Variants in ZSWIM5 observed in about 807,000 individuals in gnomAD.
ZSWIM5 encodes zinc finger SWIM-type containing 5.
In ZSWIM5, 55 loss-of-function variants were observed where a neutral mutation model predicts 119.6. The ratio of observed to expected loss-of-function variants is 0.46; its 90% confidence interval spans 0.37 to 0.58. The LOEUF is 0.58. ZSWIM5 is among the 20% of genes least tolerant of loss of function. The pLI, the probability that ZSWIM5 is intolerant of heterozygous loss-of-function variation, is 0.00. For synonymous variants in ZSWIM5, 537 were observed against 606.9 expected (o/e 0.88, Z 1.69); for missense variants, 1,193 against 1,512.8 (o/e 0.79, Z 3.51).
chr1:45,142,857 AAAAAG>A (rs1404445337), intron 1 of ZSWIM5, among the ~76,000 whole-genome samples: 6 of 151,964 alleles, frequency 3.9e-5, no homozygotes, highest in Non-Finnish European at 5.9e-5. Context: ...TATTTAAAAA[AAAAAG>A]AAAACACAAG....
chr1:45,073,046 T>C (rs575269414), intron 2 of ZSWIM5, among the ~76,000 whole-genome samples: 1 of 151,894 alleles, frequency 6.6e-6, no homozygotes, highest in Non-Finnish European at 1.5e-5. Context: ...ATTTTTCCAA[T>C]CCATGAACAT....
At chr1:45,152,042 A>T (rs1645799686) in intron 1 of ZSWIM5, among the ~76,000 whole-genome samples, 1 of 152,144 alleles carries the variant, frequency 6.6e-6, no homozygotes. Context: ...AGGAAGCAAA[A>T]GAAAGGCAGG....
intron 1 of ZSWIM5, among the ~76,000 whole-genome samples, chr1:45,178,869 T>C (rs1362998076): frequency 1.3e-5 from 2 of 152,172 alleles, no homozygotes; most frequent in East Asian, 1.9e-4. Flanking sequence ...GCATTCATTG[T>C]AGATTAAAGC....
At chr1:45,103,231 A>G (rs1481040977) in intron 1 of ZSWIM5, among the ~76,000 whole-genome samples, 1 of 152,236 alleles carries the variant, frequency 6.6e-6, no homozygotes, top group East Asian at 1.9e-4. Flanking sequence ...ATTTTCAAAA[A>G]TATAAAATAC....
intron 1 of ZSWIM5, among the ~76,000 whole-genome samples, chr1:45,094,594 G>C (rs188614242): frequency 6.6e-6 from 1 of 152,044 alleles, no homozygotes; most frequent in African/African-American, 2.4e-5. Context: ...CAGGCTTGGC[G>C]GCTCATGCCT....
intron 3 of ZSWIM5, among the ~76,000 whole-genome samples, chr1:45,059,424 T>C (rs1196925032): frequency 6.6e-6 from 1 of 152,208 alleles, no homozygotes; most frequent in African/African-American, 2.4e-5. Context: ...ACTATATGAA[T>C]GATTCCATTC....
chr1:45,043,201 G>C lies in ZSWIM5; in HGVS notation c.1609+18C>G. Reference sequence around the variant, plus strand: ...AGTGAGGGTGGCTCTAAAGTTCTTAGAGGAGGGCTAGACTTACCAAGCCAC... The same window carrying C: ...AGTGAGGGTGGCTCTAAAGTTCTTACAGGAGGGCTAGACTTACCAAGCCAC... On this transcript the variant is annotated intron_variant, in intron 6 of 13. Transcript: ENST00000359600. 1 of 1,611,710 alleles carries C rather than the reference G, an allele frequency of 6.2e-7. No individual in the cohort carries two copies. Among genetic ancestry groups the C allele is most frequent in the Non-Finnish European group, 8.5e-7 (1 of 1,179,116 alleles).
intron 1 of ZSWIM5, among the ~76,000 whole-genome samples, chr1:45,139,168 C>T (rs1645709206): frequency 6.6e-6 from 1 of 151,838 alleles, no homozygotes; most frequent in African/African-American, 2.4e-5. Flanking sequence ...AGGTGTGAGC[C>T]ACCACACCGG....
At chr1:45,200,340 T>C (rs914952853) in intron 1 of ZSWIM5, among the ~76,000 whole-genome samples, 9 of 152,186 alleles carry the variant, frequency 5.9e-5, no homozygotes, top group Non-Finnish European at 1.0e-4. Flanking sequence ...CATGATAGGC[T>C]AAAAGTGTCC....
At chr1:45,205,605 G>C (rs190009802) in intron 1 of ZSWIM5, 151 bp downstream of exon 1, 12 of 721,902 alleles carry the variant, frequency 1.7e-5, no homozygotes, top group Non-Finnish European at 2.0e-5. Flanking sequence ...TGAGTGAAAG[G>C]TTGAAAAAAG....
Position 45,206,473 on chromosome 1 carries a change from G to A in ZSWIM5, c.-123C>T. 8.4e-7 allele frequency: 1 copy of A among 1,194,114 alleles called. No individual in the cohort carries two copies. The highest frequency in any genetic ancestry group is 3.3e-4 in the Middle Eastern group (1 of 2,998). The allele number at this position is 1,194,114 out of a possible 1,614,324, so 74.0% of individuals were successfully genotyped here. ...TGGCGCCGAGGGGGGCGGGGCGAGAGAACCCGCGAGCCAGCCGGCCCGAGT... is the reference window on the plus strand; with the variant it reads ...TGGCGCCGAGGGGGGCGGGGCGAGAAAACCCGCGAGCCAGCCGGCCCGAGT... On this transcript the variant is annotated 5_prime_UTR_variant, in exon 1 of 14. Transcript: ENST00000359600.
intron 1 of ZSWIM5, among the ~76,000 whole-genome samples, chr1:45,189,899 T>C (rs942279196): frequency 6.6e-6 from 1 of 152,216 alleles, no homozygotes; most frequent in African/African-American, 2.4e-5. Context: ...GTAGAGGACA[T>C]TTAGCATCTA....
At chr1:45,099,471 C>G (rs1645424114) in intron 1 of ZSWIM5, among the ~76,000 whole-genome samples, 1 of 152,152 alleles carries the variant, frequency 6.6e-6, no homozygotes, top group Admixed American at 6.5e-5. Flanking sequence ...ACCAGAGGTA[C>G]AAAGAGGAGC....
chr1:45,075,608 G>A (rs1210454359), intron 2 of ZSWIM5, among the ~76,000 whole-genome samples: 2 of 152,020 alleles, frequency 1.3e-5, no homozygotes, highest in African/African-American at 2.4e-5. Context: ...TATAAGTGAA[G>A]TGTGTTTCTT....
At chr1:45,153,355 A>C (rs1192352551) in intron 1 of ZSWIM5, among the ~76,000 whole-genome samples, 1 of 151,692 alleles carries the variant, frequency 6.6e-6, no homozygotes, top group African/African-American at 2.4e-5. Flanking sequence ...AAAATATAAA[A>C]ATTAGCCAGA....
chr1:45,135,348 G>T (rs1165864400), intron 1 of ZSWIM5, among the ~76,000 whole-genome samples: 1 of 152,142 alleles, frequency 6.6e-6, no homozygotes. Flanking sequence ...GAGAACTGCT[G>T]CATAACAATG....
intron 1 of ZSWIM5, among the ~76,000 whole-genome samples, chr1:45,155,197 A>T (rs1645820112): frequency 1.3e-5 from 2 of 152,104 alleles, no homozygotes; most frequent in African/African-American, 2.4e-5. Flanking sequence ...AAGAAAAAAA[A>T]ATCCCATCAA....
intron 1 of ZSWIM5, among the ~76,000 whole-genome samples, chr1:45,153,611 C>G (rs549753986): frequency 5.9e-5 from 9 of 152,006 alleles, no homozygotes; most frequent in African/African-American, 9.7e-5. Flanking sequence ...CACACATGCA[C>G]TCATATGTTT....
intron 1 of ZSWIM5, among the ~76,000 whole-genome samples, chr1:45,095,374 C>G (rs1316480308): frequency 6.6e-6 from 1 of 152,170 alleles, no homozygotes; most frequent in African/African-American, 2.4e-5. Context: ...GATCCTCCTG[C>G]CTCAGCCTCC....
Sources: gnomAD v4.1 joint callset for allele counts (sites outside exome capture counted in the v4.1 genomes callset) on GRCh38, gnomAD v4.1.1 for gene constraint, MANE v1.5 for transcripts, NCBI Gene and HGNC (gene_info 2026-07-23, HGNC 2026-07-21) for gene names.